Variants in OSBPL1A observed in about 807,000 individuals in gnomAD.
The protein encoded by OSBPL1A is oxysterol-binding protein-related protein 1.
A neutral mutation model predicts 137.1 loss-of-function variants in OSBPL1A; 80 were observed. The observed-to-expected ratio is 0.58, with a 90% CI of 0.49 to 0.70. The LOEUF (loss-of-function observed/expected upper bound fraction) is 0.70. OSBPL1A is among the 30% of genes least tolerant of loss of function. The probability of loss-of-function intolerance (pLI) is 0.00; values close to 1 mark genes in which losing one functional copy is unlikely to be tolerated. For missense variants in OSBPL1A, 970 were observed against 1,129.4 expected (o/e 0.86, Z 2.02); for synonymous variants, 365 against 389.7 (o/e 0.94, Z 0.75).
In OSBPL1A at chr18:24,368,360, GACTT is replaced by G. The variant is rs1436167982; in HGVS notation, c.130_133del (p.Lys44LeufsTer24). Reference sequence around the variant, plus strand: ...ATGTAGAGGTGTCCAGCCCAAGTTAGACTTACTTCTTCCTAAAAATGGAAAAATA... The same window carrying G: ...ATGTAGAGGTGTCCAGCCCAAGTTAGACTTCTTCCTAAAAATGGAAAAATA... On this transcript the variant is annotated frameshift_variant, in exon 3 of 28. Transcript: ENST00000319481. LOFTEE classifies it high-confidence loss of function. The G allele has an allele frequency of 3.7e-6, 6 of 1,612,722 alleles. No individual in the cohort carries two copies. The highest frequency in any genetic ancestry group is 5.1e-6 in the Non-Finnish European group (6 of 1,178,848).
chr18:24,281,363 C>T (rs2089953020), intron 14 of OSBPL1A, among the ~76,000 whole-genome samples: 1 of 150,554 alleles, frequency 6.6e-6, no homozygotes, highest in Non-Finnish European at 1.5e-5. Context: ...GGATTACAGG[C>T]GTGAGTCACC....
chr18:24,182,153 G>A (rs2086623500), intron 18 of OSBPL1A, among the ~76,000 whole-genome samples: 1 of 151,950 alleles, frequency 6.6e-6, no homozygotes, highest in Non-Finnish European at 1.5e-5. Context: ...TATGGTCTAG[G>A]GTACTAGCAG....
chr18:24,307,480 T>C (rs962224178), intron 13 of OSBPL1A, among the ~76,000 whole-genome samples: 1 of 152,216 alleles, frequency 6.6e-6, no homozygotes, highest in Non-Finnish European at 1.5e-5. Flanking sequence ...CTTCACACAC[T>C]TGACAATCTT....
At chr18:24,164,724 C>A (rs374197336) in intron 27 of OSBPL1A, among the ~76,000 whole-genome samples, 1 of 151,906 alleles carries the variant, frequency 6.6e-6, no homozygotes, top group Non-Finnish European at 1.5e-5. Flanking sequence ...CACTGCACCC[C>A]GCCAGAGATT....
intron 7 of OSBPL1A, among the ~76,000 whole-genome samples, chr18:24,328,189 C>T (rs113828928): frequency 2.8e-5 from 4 of 144,698 alleles, no homozygotes; most frequent in Admixed American, 7.0e-5. Flanking sequence ...CTACCAGGTA[C>T]GTGCCACCAC....
At chr18:24,332,385 CAAAA>C (rs71163675) in intron 7 of OSBPL1A, among the ~76,000 whole-genome samples, 21 of 53,056 alleles carry the variant, frequency 4.0e-4, no homozygotes, top group African/African-American at 1.7e-3. Context: ...GACTCTGTCT[CAAAA>C]AAAAAAAAAA....
In OSBPL1A at chr18:24,390,588, G is replaced by A. The variant is rs533708221; in HGVS notation, c.-3+7067C>T. Among the ~76,000 whole-genome samples the A allele has an allele frequency of 3.3e-5, 5 of 150,808 alleles. No homozygotes were observed. In the East Asian group the frequency reaches 5.9e-4, roughly 18 times the overall value. On this transcript the variant is annotated intron_variant, in intron 1 of 27. Coordinates refer to ENST00000319481, the MANE Select transcript of OSBPL1A (RefSeq NM_080597.4). ...CACATGCCTGTAATTCCAGCTACTG[G>A]GGAGGCTGAGGCAGGAGAATCACTT...
intron 1 of OSBPL1A, among the ~76,000 whole-genome samples, chr18:24,389,906 C>G (rs1420532667): frequency 6.6e-6 from 1 of 152,016 alleles, no homozygotes; most frequent in African/African-American, 2.4e-5. Context: ...CGCACCACTG[C>G]AGTCCAGCCT....
Position 24,166,841 on chromosome 18 carries a change from A to G in OSBPL1A, c.2536-139T>C, listed in dbSNP as rs1056919605. On this transcript the variant is annotated intron_variant, in intron 25 of 27. Coordinates refer to ENST00000319481, the MANE Select transcript of OSBPL1A (RefSeq NM_080597.4). ...CAATGGTCAGTCTTTCTCAGATCAC[A>G]CGTATCTAAATGTTTTCACCAAAAT... 4 of 870,020 alleles carry G rather than the reference A, an allele frequency of 4.6e-6. No homozygotes were observed. In the African/African-American group the frequency reaches 6.9e-5, roughly 15 times the overall value. The allele number at this position is 870,020 out of a possible 1,614,324, so 53.9% of individuals were successfully genotyped here. A position where few individuals can be genotyped will look rare whatever the true frequency, so the allele number is the denominator to read the frequency against.
chr18:24,251,237 C>A (rs549761129), intron 15 of OSBPL1A, among the ~76,000 whole-genome samples: 6 of 152,256 alleles, frequency 3.9e-5, no homozygotes, highest in African/African-American at 1.4e-4. Context: ...CTGGTGACTA[C>A]GTAGATCCCT....
intron 1 of OSBPL1A, among the ~76,000 whole-genome samples, chr18:24,385,121 A>AT (rs1399998216): frequency 1.3e-5 from 2 of 151,644 alleles, no homozygotes; most frequent in Admixed American, 6.6e-5. Flanking sequence ...CACCCGGCTA[A>AT]TTTTTTGTAT....
chr18:24,297,949 A>C (rs572496654), intron 14 of OSBPL1A, among the ~76,000 whole-genome samples: 2 of 152,306 alleles, frequency 1.3e-5, no homozygotes, highest in South Asian at 4.1e-4. Flanking sequence ...GCTGAAACCT[A>C]CTGGGCTGCA....
chr18:24,297,443 A>G (rs374638203), intron 14 of OSBPL1A, among the ~76,000 whole-genome samples: 3 of 152,102 alleles, frequency 2.0e-5, no homozygotes, highest in African/African-American at 7.2e-5. Flanking sequence ...TCAAAGAACC[A>G]GTTTTTTGTT....
At chr18:24,323,288 C>A (rs542624254) in intron 7 of OSBPL1A, among the ~76,000 whole-genome samples, 1 of 152,004 alleles carries the variant, frequency 6.6e-6, no homozygotes, top group Non-Finnish European at 1.5e-5. Context: ...CACCATGGCT[C>A]ATGCCTGTAA....
chr18:24,277,350 G>T (rs2089865307), intron 15 of OSBPL1A, among the ~76,000 whole-genome samples: 1 of 152,044 alleles, frequency 6.6e-6, no homozygotes, highest in Non-Finnish European at 1.5e-5. Context: ...AGAAGTAAAT[G>T]TGGAACATTT....
At chr18:24,225,226 G>T in intron 16 of OSBPL1A, 28 bp from the exon 17 acceptor site, 2 of 1,612,814 alleles carry the variant, frequency 1.2e-6, no homozygotes, top group South Asian at 1.1e-5. Context: ...CATAGTTAAT[G>T]AATTGAACTT....
At position 24,332,986 on chromosome 18, in the gene OSBPL1A, T is replaced by C; in HGVS notation, c.581A>G (p.Lys194Arg). ...AGGGTCTGCTCCACTTCTTAGAAGCTTTAAGGCACATTGTTTATGGGCCCG... is the reference window on the plus strand; with the variant it reads ...AGGGTCTGCTCCACTTCTTAGAAGCCTTAAGGCACATTGTTTATGGGCCCG... Reference protein sequence around the residue: ...AYRAHKQCALKLLRSGADPNL... With the variant: ...AYRAHKQCALRLLRSGADPNL... Residue 194 changes from lysine to arginine, a missense_variant, in exon 7 of 28, where the codon AAG becomes AGG. Physicochemically the swap from Lys to Arg is conservative, Grantham distance 26 (BLOSUM62 2). Coordinates refer to ENST00000319481, the MANE Select transcript of OSBPL1A (RefSeq NM_080597.4). 1 of 1,614,210 alleles carries C rather than the reference T, an allele frequency of 6.2e-7. No individual in the cohort carries two copies. Among genetic ancestry groups the C allele is most frequent in the Non-Finnish European group, 8.5e-7 (1 of 1,180,044 alleles).
At chr18:24,293,610 C>T (rs2090231869) in intron 14 of OSBPL1A, among the ~76,000 whole-genome samples, 1 of 152,152 alleles carries the variant, frequency 6.6e-6, no homozygotes, top group Non-Finnish European at 1.5e-5. Flanking sequence ...GGAGTGACTA[C>T]GCCACTCAGG....
At chr18:24,289,454 C>A (rs1233537539) in intron 14 of OSBPL1A, among the ~76,000 whole-genome samples, 1 of 114,980 alleles carries the variant, frequency 8.7e-6, no homozygotes, top group African/African-American at 3.3e-5. Flanking sequence ...TGGAGTTGGG[C>A]TCTGTCACCC....
Sources: allele counts gnomAD v4.1 joint callset (sites outside exome capture counted in the v4.1 genomes callset), GRCh38; gene constraint gnomAD v4.1.1; transcripts MANE v1.5; gene names NCBI Gene and HGNC (gene_info 2026-07-23, HGNC 2026-07-21).